The following RBFOX3 variants were observed in gnomAD, a reference collection of about 807,000 sequenced individuals.
RBFOX3 encodes RNA binding protein fox-1 homolog 3.
In RBFOX3, 17 loss-of-function variants were observed where a neutral mutation model predicts 48.7. The ratio of observed to expected loss-of-function variants is 0.35; its 90% CI spans 0.24 to 0.52. The LOEUF is 0.52. Ranked by LOEUF, RBFOX3 falls within the 20% of genes least tolerant of loss-of-function variation. The pLI is 0.94. For missense variants in RBFOX3, 382 were observed against 497.5 expected, an observed-to-expected ratio of 0.77 and a Z score of 2.21; for synonymous variants, 212 against 209.5, an observed-to-expected ratio of 1.01 and a Z score of -0.10.
chr17:79,125,746 C>A (rs2037058075), intron 4 of RBFOX3, among the ~76,000 whole-genome samples: 1 of 152,252 alleles, frequency 6.6e-6, no homozygotes, highest in Non-Finnish European at 1.5e-5. Context: ...TGGCCCTGGG[C>A]CGGCGGGGCA....
In RBFOX3 at chr17:79,391,549, A is replaced by C. The variant is rs894311313; in HGVS notation, c.-174-83725T>G. ...ATGCCACCGATTTTAATCTCACCCG[A>C]AACCAACCTCACAGGTGCTGATTCA... On this transcript the variant is annotated intron_variant, in intron 2 of 14. Coordinates refer to ENST00000693108, the MANE Select transcript of RBFOX3 (RefSeq NM_001350451.2). The surrounding 1 kb of genome is among the most constrained non-coding windows in gnomAD (Gnocchi z 5.0). Among the ~76,000 whole-genome samples, 3 of 152,218 alleles carry C rather than the reference A, an allele frequency of 2.0e-5. No homozygotes were observed. The highest frequency in any genetic ancestry group is 7.2e-5 in the African/African-American group (3 of 41,460).
At chr17:79,365,303 G>C (rs1479142366) in intron 2 of RBFOX3, among the ~76,000 whole-genome samples, 5 of 152,106 alleles carry the variant, frequency 3.3e-5, no homozygotes, top group African/African-American at 1.2e-4. Flanking sequence ...TGTAACTGTG[G>C]GGAAAAAATA....
At chr17:79,268,304 C>A (rs1343957808) in intron 3 of RBFOX3, among the ~76,000 whole-genome samples, 1 of 152,138 alleles carries the variant, frequency 6.6e-6, no homozygotes, top group Non-Finnish European at 1.5e-5. Flanking sequence ...TGCCTCACCT[C>A]CCATTTCATT....
At chr17:79,262,283 C>G (rs542018883) in intron 3 of RBFOX3, among the ~76,000 whole-genome samples, 2 of 152,324 alleles carry the variant, frequency 1.3e-5, no homozygotes, top group South Asian at 2.1e-4. Context: ...GGGGCAAGTC[C>G]CGCAGCCATG....
chr17:79,571,788 T>G (rs1378423187), intron 1 of RBFOX3, among the ~76,000 whole-genome samples: 7 of 152,180 alleles, frequency 4.6e-5, no homozygotes, highest in African/African-American at 1.7e-4. Flanking sequence ...TCCTGCTCCT[T>G]GAGTAGACTC....
chr17:79,376,246 A>G lies in RBFOX3; in HGVS notation c.-174-68422T>C, dbSNP rs111416572. On this transcript the variant is annotated intron_variant, in intron 2 of 14. Coordinates refer to ENST00000693108, the MANE Select transcript of RBFOX3 (RefSeq NM_001350451.2). The stretch of plus-strand genomic sequence containing the variant: ...CCCAGGGACTCCCAGCCTGGAATCG[A>G]CTGGTTGGAATGAAATGATTTCCTC... Among the ~76,000 whole-genome samples, 517 of 152,186 alleles carry G rather than the reference A, an allele frequency of 3.4e-3. 1 individual carries two copies. The highest frequency in any genetic ancestry group is 0.012 in the African/African-American group (490 of 41,534).
rs1301893935 is a variant in RBFOX3, at chr17:79,198,205, C to T, written c.-34+37561G>A. Among the ~76,000 whole-genome samples, 1 of 152,198 alleles carries T rather than the reference C, an allele frequency of 6.6e-6. No homozygotes were observed. Among genetic ancestry groups the T allele is most frequent in the Non-Finnish European group, 1.5e-5 (1 of 68,040 alleles). ...TTGCATCGCTGGACCATCCTCAACA[C>T]TGGACCAGACCAGAAGGGGAAATCA... is the stretch of plus-strand genomic sequence containing the variant. On this transcript the variant is annotated intron_variant, in intron 4 of 14. Transcript: ENST00000693108. This position sits in a 1 kb window ranked among gnomAD's most constrained non-coding sequence, Gnocchi z 8.2.
rs1054696146 is a variant in RBFOX3 at position 79,311,143 on chromosome 17, G to A, written c.-174-3319C>T. ...GGGGAAAACATTCTGCCTCAAGACC[G>A]CAGCACCAGCTGGGCGCAGTGGCTC... On this transcript the variant is annotated intron_variant, in intron 2 of 14. Transcript: ENST00000693108. The surrounding 1 kb of genome is among the most constrained non-coding windows in gnomAD (Gnocchi z 4.2). Among the ~76,000 whole-genome samples the A allele has an allele frequency of 1.3e-4, 20 of 152,104 alleles. No individual in the cohort carries two copies. The highest frequency in any genetic ancestry group is 2.6e-4 in the Admixed American group (4 of 15,268).
At chr17:79,255,962 C>T (rs1044625991) in intron 3 of RBFOX3, among the ~76,000 whole-genome samples, 6 of 151,570 alleles carry the variant, frequency 4.0e-5, no homozygotes, top group Non-Finnish European at 7.4e-5. Flanking sequence ...GCCTCCCCAG[C>T]CAACTCCCTC....
At chr17:79,547,109 G>A (rs1227284507) in intron 1 of RBFOX3, among the ~76,000 whole-genome samples, 1 of 152,092 alleles carries the variant, frequency 6.6e-6, no homozygotes, top group African/African-American at 2.4e-5. Flanking sequence ...AATTACCTTG[G>A]GGCACCTGAG....
At chr17:79,100,110 C>T (rs2076140566) in intron 9 of RBFOX3, 1 of 152,358 alleles carries the variant, frequency 6.6e-6, no homozygotes, top group East Asian at 1.9e-4. Context: ...GTTCCGTGCC[C>T]CTCATGAGCC....
intron 2 of RBFOX3, among the ~76,000 whole-genome samples, chr17:79,393,964 G>A (rs865877833): frequency 2.0e-5 from 3 of 149,802 alleles, no homozygotes; most frequent in African/African-American, 4.9e-5. Context: ...CGGTCACCAC[G>A]CACATCGTCT....
At chr17:79,272,292 C>T (rs1386292812) in intron 3 of RBFOX3, among the ~76,000 whole-genome samples, 3 of 152,208 alleles carry the variant, frequency 2.0e-5, no homozygotes, top group Admixed American at 6.5e-5. Context: ...GAGACCCTCA[C>T]ATTCTGTTTG....
intron 2 of RBFOX3, among the ~76,000 whole-genome samples, chr17:79,312,404 T>C (rs572270886): frequency 1.3e-5 from 2 of 152,206 alleles, no homozygotes; most frequent in East Asian, 1.9e-4. Flanking sequence ...GGCTGTGGTC[T>C]GAGCACTTTT....
chr17:79,440,684 C>T (rs1356161463), intron 2 of RBFOX3, among the ~76,000 whole-genome samples: 4 of 152,166 alleles, frequency 2.6e-5, no homozygotes, highest in African/African-American at 4.8e-5. Context: ...AAGCCTCACC[C>T]GCAAGGTTGA....
At chr17:79,389,000 T>G (rs1004276052) in intron 2 of RBFOX3, among the ~76,000 whole-genome samples, 1 of 152,218 alleles carries the variant, frequency 6.6e-6, no homozygotes, top group African/African-American at 2.4e-5. Flanking sequence ...AATAAGCATT[T>G]CAGAGGGAGA....
chr17:79,208,322 T>C (rs1308829047), intron 4 of RBFOX3: 2 of 152,278 alleles, frequency 1.3e-5, no homozygotes, highest in Non-Finnish European at 2.9e-5. Flanking sequence ...TCCCAGCCAA[T>C]AGCCAAAGGC....
intron 3 of RBFOX3, among the ~76,000 whole-genome samples, chr17:79,296,775 G>A (rs199837856): frequency 3.7e-5 from 5 of 135,344 alleles, no homozygotes; most frequent in South Asian, 2.4e-4. Context: ...ACTCCTCTCT[G>A]TCTTTCTCCT....
At chr17:79,202,546 G>A (rs913375575) in intron 4 of RBFOX3, among the ~76,000 whole-genome samples, 5 of 152,220 alleles carry the variant, frequency 3.3e-5, no homozygotes, top group African/African-American at 9.6e-5. Context: ...CCCATGGGAC[G>A]GTTATGACTA....
Sources: gnomAD v4.1 joint callset for allele counts (sites outside exome capture counted in the v4.1 genomes callset) on GRCh38, gnomAD v4.1.1 for gene constraint, Gnocchi (gnomAD v3.1) non-coding constraint, MANE v1.5 for transcripts, NCBI Gene and HGNC (gene_info 2026-07-23, HGNC 2026-07-21) for gene names.